The following GEN1 variants were observed in gnomAD, a reference collection of about 807,000 sequenced individuals.
GEN1 encodes GEN1 structure-specific endonuclease, also known as flap endonuclease GEN homolog 1.
A neutral mutation model predicts 67.6 loss-of-function variants in GEN1; 64 were observed. The observed-to-expected ratio is 0.95, with a 90% confidence interval of 0.77 to 1.17. The LOEUF is 1.17. Ranked by LOEUF, GEN1 falls within the 50% of genes most tolerant of loss-of-function variation. GEN1 has a pLI of 0.00. For synonymous variants in GEN1, 371 were observed against 359.4 expected, an observed-to-expected ratio of 1.03 and a Z score of -0.37; for missense variants, 1,058 against 1,048.3, an observed-to-expected ratio of 1.01 and a Z score of -0.13.
intron 11 of GEN1, among the ~76,000 whole-genome samples, chr2:17,776,682 C>T (rs1045851678): frequency 2.0e-5 from 3 of 152,124 alleles, no homozygotes; most frequent in Admixed American, 6.6e-5. Context: ...CTTTCATAAC[C>T]GTAATAGATG....
At chr2:17,778,632 T>A (rs1672673601) in intron 12 of GEN1, among the ~76,000 whole-genome samples, 2 of 152,134 alleles carry the variant, frequency 1.3e-5, no homozygotes, top group Admixed American at 6.5e-5. Flanking sequence ...TCTTTTGTAA[T>A]GTTTAAGGAA....
At position 17,773,122 on chromosome 2, in the gene GEN1, C is replaced by T. The variant is rs771711596; in HGVS notation, c.980C>T (p.Pro327Leu). Residue 327 changes from proline to leucine, a missense_variant, in exon 9 of 14, where the codon CCA (proline) becomes CTA (leucine). Transcript: ENST00000381254. The stretch of plus-strand genomic sequence containing the variant: ...AAAGCTTGCTGTTGTGAGGGATTCC[C>T]ATTCCATGAGGTAATATCCAGTAAT... ...KKKACCCEGF[P>L]FHEVIQEFLL... 1 of 1,584,604 alleles carries T rather than the reference C, an allele frequency of 6.3e-7. No homozygotes were observed. The highest frequency in any genetic ancestry group is 8.6e-7 in the Non-Finnish European group (1 of 1,156,298).
chr2:17,777,274 T>C (rs1461090188), intron 11 of GEN1, among the ~76,000 whole-genome samples: 2 of 152,108 alleles, frequency 1.3e-5, no homozygotes, highest in Non-Finnish European at 2.9e-5. Context: ...ATAAACTGAC[T>C]AGAAAAAATT....
chr2:17,774,071 G>A (rs1283082781), intron 10 of GEN1, among the ~76,000 whole-genome samples, 200 bp from the exon 11 acceptor site: 1 of 151,938 alleles, frequency 6.6e-6, no homozygotes, highest in Non-Finnish European at 1.5e-5. Flanking sequence ...TATCATCCTG[G>A]CGTTCAAACC....
At chr2:17,769,763 C>T (rs565242168) in intron 6 of GEN1, among the ~76,000 whole-genome samples, 1 of 152,124 alleles carries the variant, frequency 6.6e-6, no homozygotes, top group South Asian at 2.1e-4. Flanking sequence ...ATCTCAAAAA[C>T]ACATGAATTA....
intron 11 of GEN1, among the ~76,000 whole-genome samples, chr2:17,774,750 G>A (rs1208497661): frequency 1.3e-5 from 2 of 151,548 alleles, no homozygotes; most frequent in East Asian, 1.9e-4. Flanking sequence ...AGAAGCAGCC[G>A]TATCATCCAG....
chr2:17,769,739 CTA>C (rs1672099872), intron 6 of GEN1, among the ~76,000 whole-genome samples: 1 of 152,000 alleles, frequency 6.6e-6, no homozygotes, highest in Non-Finnish European at 1.5e-5. Flanking sequence ...AGTTAACAAA[CTA>C]TGCTATTTAC....
In GEN1 at chr2:17,780,943, A is replaced by T. The variant is rs1672798259; in HGVS notation, c.1731A>T (p.Ile577=). 1 of 1,599,084 alleles carries T rather than the reference A, an allele frequency of 6.3e-7. No individual in the cohort carries two copies. The highest frequency in any genetic ancestry group is 1.4e-5 in the African/African-American group (1 of 70,528). ...SSQPNTSSHN[I]SVIADLHLST... The stretch of plus-strand genomic sequence containing the variant: ...AACCCAATACCTCATCTCATAATAT[A>T]TCCGTGATTGCTGATCTACACTTGA... The change falls in exon 14 of 14, where the codon ATA becomes ATT. Residue 577 remains isoleucine (I), a synonymous_variant. Coordinates refer to ENST00000381254, the MANE Select transcript of GEN1 (RefSeq NM_001130009.3).
At position 17,777,983 on chromosome 2, in the gene GEN1, A is replaced by T; in HGVS notation, c.1203-19A>T. 7.0e-7 allele frequency: 1 copy of T among 1,426,474 alleles called. No individual in the cohort carries two copies. The highest frequency in any genetic ancestry group is 1.8e-4 in the Middle Eastern group (1 of 5,654). The allele number at this position is 1,426,474 out of a possible 1,614,324, so 88.4% of individuals were successfully genotyped here. On this transcript the variant is annotated intron_variant, in intron 11 of 13. Coordinates refer to ENST00000381254, the MANE Select transcript of GEN1 (RefSeq NM_001130009.3). ...ATATCTTATGCAATTAGACTTCATT[A>T]AATGAATTTGTTTTTCAGAATTGTT...
At chr2:17,769,468 G>A (rs1193436348) in intron 6 of GEN1, among the ~76,000 whole-genome samples, 4 of 152,096 alleles carry the variant, frequency 2.6e-5, no homozygotes, top group Non-Finnish European at 4.4e-5. Context: ...TGGGCATTTT[G>A]CCACTAGCTA....
chr2:17,781,670 A>T lies in GEN1; in HGVS notation c.2458A>T (p.Met820Leu), dbSNP rs760129776. 1 of 1,614,074 alleles carries T rather than the reference A, an allele frequency of 6.2e-7. No homozygotes were observed. The highest frequency in any genetic ancestry group is 8.5e-7 in the Non-Finnish European group (1 of 1,179,950). Residue 820 changes from methionine (M) to leucine (L), a missense_variant, in exon 14 of 14, where the codon ATG becomes TTG. Transcript: ENST00000381254. ...GAAAGCTAAGTACACAACTCAAAGA[A>T]TGAAGCACAGTTCTCAAAAGCATAA... ...FGKAKYTTQRMKHSSQKHNSS... is the reference protein window; with the variant it reads ...FGKAKYTTQRLKHSSQKHNSS...
In GEN1 at chr2:17,764,895, A is replaced by C. The variant is rs750751476; in HGVS notation, c.349-2A>C. ...CATCTTGCACCTGCTTTTTGTTTTCAGTGCCTCCATATGCTCGAATGCTTA... is the reference window on the plus strand; with the variant it reads ...CATCTTGCACCTGCTTTTTGTTTTCCGTGCCTCCATATGCTCGAATGCTTA... On this transcript the variant is annotated splice_acceptor_variant, in intron 3 of 13. Transcript: ENST00000381254. LOFTEE classifies it high-confidence loss of function. 1 of 1,606,786 alleles carries C rather than the reference A, an allele frequency of 6.2e-7. No homozygotes were observed. Among genetic ancestry groups the C allele is most frequent in the Non-Finnish European group, 8.5e-7 (1 of 1,177,784 alleles).
Position 17,772,796 on chromosome 2 carries a change from TA to T in GEN1, c.953+17del. 14 of 1,594,012 alleles carry T rather than the reference TA, an allele frequency of 8.8e-6. No homozygotes were observed. Among genetic ancestry groups the T allele is most frequent in the Non-Finnish European group, 1.1e-5 (13 of 1,167,950 alleles). On this transcript the variant is annotated intron_variant, in intron 8 of 13. Transcript: ENST00000381254. ...AACAATATTAAGAAGTAAGTTTTTT[TA>T]AAAACTCATGATTTTTCCTGGCATG... is the stretch of plus-strand genomic sequence containing the variant.
intron 5 of GEN1, 106 bp downstream of exon 5, chr2:17,766,795 TTAAAA>T (rs1671956229): frequency 1.7e-6 from 1 of 587,610 alleles, no homozygotes; most frequent in Non-Finnish European, 3.0e-6. Context: ...AAAATCGAAT[TTAAAA>T]TATAATTTCA....
Position 17,766,679 on chromosome 2 carries a change from A to G in GEN1, c.626A>G (p.Tyr209Cys), listed in dbSNP as rs371380986. 2.5e-6 allele frequency: 4 copies of G among 1,571,424 alleles called. No homozygotes were observed. The highest frequency in any genetic ancestry group is 1.1e-5 in the South Asian group (1 of 89,776). The change falls in exon 5 of 14, where the codon TAT becomes TGT. Residue 209 changes from tyrosine to cysteine, a missense_variant. Tyr to Cys is a radical substitution (Grantham distance 194). Coordinates refer to ENST00000381254, the MANE Select transcript of GEN1 (RefSeq NM_001130009.3). ...VGLAILLGCDYLPKGVPGVGK... is the reference protein window; with the variant it reads ...VGLAILLGCDCLPKGVPGVGK... ...TTAGCAATACTTCTTGGCTGTGATT[A>G]TCTCCCAAAGGTAAGCTGAAATTGT...
chr2:17,758,972 C>T (rs1671551014), intron 1 of GEN1, among the ~76,000 whole-genome samples: 1 of 152,164 alleles, frequency 6.6e-6, no homozygotes, highest in Admixed American at 6.5e-5. Context: ...TTTCTTTGCA[C>T]CCATGGGCAA....
At chr2:17,778,464 G>GTATGTGTATCTATA (rs1672664568) in intron 12 of GEN1, among the ~76,000 whole-genome samples, 3 of 29,282 alleles carry the variant, frequency 1.0e-4, no homozygotes, top group African/African-American at 2.4e-4. Flanking sequence ...GTACATATAT[G>GTATGTGTATCTATA]TATATACACA....
At position 17,781,040 on chromosome 2, in the gene GEN1, T is replaced by A; in HGVS notation, c.1828T>A (p.Leu610Ile). ...AIQRNTFSHD[L>I]KSEVESELSA... ...TCAAAGGAATACTTTTTCTCATGAT[T>A]TAAAATCAGAAGTTGAATCAGAGCT... Residue 610 changes from leucine to isoleucine, a missense_variant, in exon 14 of 14, where the codon TTA (leucine) becomes ATA (isoleucine). Transcript: ENST00000381254. 1 of 1,613,922 alleles carries A rather than the reference T, an allele frequency of 6.2e-7. No individual in the cohort carries two copies. The highest frequency in any genetic ancestry group is 8.5e-7 in the Non-Finnish European group (1 of 1,179,868).
At position 17,782,416 on chromosome 2, in the gene GEN1, C is replaced by G. The variant is rs1432114000; in HGVS notation, c.*477C>G. 6.6e-6 allele frequency: 1 copy of G among 152,300 alleles called. No homozygotes were observed. The highest frequency in any genetic ancestry group is 1.5e-5 in the Non-Finnish European group (1 of 68,138). 9.4% of individuals were successfully genotyped at this position (152,300 alleles called of 1,614,324 possible). On this transcript the variant is annotated 3_prime_UTR_variant, in exon 14 of 14. Transcript: ENST00000381254. ...AAGATACCTTTAGTGTGCTCTTCCACTTTGGAAGGCCATGCAAGGTGTTCC... is the reference window on the plus strand; with the variant it reads ...AAGATACCTTTAGTGTGCTCTTCCAGTTTGGAAGGCCATGCAAGGTGTTCC...
Sources: allele counts gnomAD v4.1 joint callset (sites outside exome capture counted in the v4.1 genomes callset), GRCh38; gene constraint gnomAD v4.1.1; transcripts MANE v1.5; gene names NCBI Gene and HGNC (gene_info 2026-07-23, HGNC 2026-07-21).